Variants in GBP4 observed in about 807,000 individuals in gnomAD.
GBP4 encodes guanylate-binding protein 4.
GBP4 carries 69 observed loss-of-function variants against 62.2 expected under a neutral mutation model. The ratio of observed to expected loss-of-function variants is 1.11; its 90% CI spans 0.91 to 1.36. The LOEUF (loss-of-function observed/expected upper bound fraction) is 1.36, where lower values mean the gene tolerates loss of function less well. Ranked by LOEUF, GBP4 falls within the 40% of genes most tolerant of loss-of-function variation. GBP4 has a pLI of 0.00. For missense variants in GBP4, 697 were observed against 759.3 expected (o/e 0.92, Z 0.96); for synonymous variants, 278 against 274.6 (o/e 1.01, Z -0.12).
chr1:89,195,395 C>T lies in GBP4; in HGVS notation c.265G>A (p.Glu89Lys), dbSNP rs1341141890. The change falls in exon 3 of 11, where the codon GAA (glutamate) becomes AAA (lysine). Residue 89 changes from glutamate (E) to lysine (K), a missense_variant. By Grantham distance (56) the Glu-to-Lys change is moderately conservative. Around this residue, in one of 2 missense-constraint regions of GBP4, gnomAD observed 556 missense variants for 562.7 expected, o/e 0.99. Coordinates refer to ENST00000355754, the MANE Select transcript of GBP4 (RefSeq NM_052941.5). ...CACCACATCCAGATGCCCTTAGTTT[C>T]AGACTGCACCGTGGAGCCCAGAGGG... ...GFPLGSTVQSETKGIWMWCVP... is the reference protein window; with the variant it reads ...GFPLGSTVQSKTKGIWMWCVP... The T allele has an allele frequency of 3.1e-6, 5 of 1,613,860 alleles. No individual in the cohort carries two copies. The highest frequency in any genetic ancestry group is 1.3e-5 in the African/African-American group (1 of 74,910).
chr1:89,191,546 C>A (rs577077937), intron 5 of GBP4, 40 bp from the exon 6 acceptor site: 1 of 1,594,842 alleles, frequency 6.3e-7, no homozygotes, highest in East Asian at 2.2e-5. Context: ...GAAGAGACAG[C>A]CTGCAGGCAA....
At chr1:89,190,627 GA>G (rs1372057463) in intron 6 of GBP4, among the ~76,000 whole-genome samples, 2 of 151,904 alleles carry the variant, frequency 1.3e-5, no homozygotes, top group Admixed American at 1.3e-4. Context: ...CCATATAAAT[GA>G]GTTTGTTAGC....
chr1:89,192,373 T>C (rs1034710816), intron 5 of GBP4, among the ~76,000 whole-genome samples: 3 of 151,264 alleles, frequency 2.0e-5, no homozygotes, highest in Admixed American at 6.6e-5. Context: ...TGGAAGCATA[T>C]GTGTTTTTTT....
chr1:89,194,750 ATGTT>A (rs780918734), intron 3 of GBP4, among the ~76,000 whole-genome samples: 60 of 152,232 alleles, frequency 3.9e-4, no homozygotes, highest in Non-Finnish European at 7.3e-4. Flanking sequence ...TTGAACCAAA[ATGTT>A]AGTGATAAAA....
chr1:89,194,121 TGGAAAG>T (rs959315750), intron 3 of GBP4, among the ~76,000 whole-genome samples: 10 of 152,190 alleles, frequency 6.6e-5, no homozygotes, highest in African/African-American at 2.2e-4. Context: ...ATAAAGCAGG[TGGAAAG>T]ATCAATAGAA....
In GBP4 at chr1:89,191,490, A is replaced by G; in HGVS notation, c.687T>C (p.Ile229=). Residue 229 remains isoleucine (I), a synonymous_variant, in exon 6 of 11, where the codon ATT becomes ATC. Coordinates refer to ENST00000355754, the MANE Select transcript of GBP4 (RefSeq NM_052941.5). ...LKLIPGKNPK[I]QNSNMPRECI... is the part of the protein sequence containing the mutation. ...ACTCTCTAGGCATGTTTGAATTTTGAATTTTGGGATTCTTGCCTGTGGAAT... is the reference window on the plus strand; with the variant it reads ...ACTCTCTAGGCATGTTTGAATTTTGGATTTTGGGATTCTTGCCTGTGGAAT... 1 of 1,612,878 alleles carries G rather than the reference A, an allele frequency of 6.2e-7. No homozygotes were observed. The highest frequency in any genetic ancestry group is 1.1e-5 in the South Asian group (1 of 91,016).
In GBP4 at chr1:89,191,253, A is replaced by G. The variant is rs1648173300; in HGVS notation, c.916+8T>C. 1.9e-6 allele frequency: 3 copies of G among 1,608,988 alleles called. No individual in the cohort carries two copies. In the African/African-American group the frequency reaches 4.0e-5, roughly 22 times the overall value. On this transcript the variant is annotated splice_region_variant and intron_variant, in intron 6 of 10. Transcript: ENST00000355754. ...GACAGACATGCTTTGGGACAAAAAA[A>G]GACTCACGCTTTCCAGTGACAATGA...
chr1:89,189,433 T>C (rs2100675196), intron 7 of GBP4, among the ~76,000 whole-genome samples: 1 of 152,322 alleles, frequency 6.6e-6, no homozygotes, highest in South Asian at 2.1e-4. Flanking sequence ...TCCCATAAGG[T>C]TTCTCACTCC....
Position 89,190,105 on chromosome 1 carries a change from T to C in GBP4, c.1130A>G (p.Glu377Gly), listed in dbSNP as rs767327035. Residue 377 changes from glutamate (E) to glycine (G), a missense_variant, in exon 7 of 11, where the codon GAA (glutamate) becomes GGA (glycine). By Grantham distance (98) the Glu-to-Gly change is moderately conservative. Coordinates refer to ENST00000355754, the MANE Select transcript of GBP4 (RefSeq NM_052941.5). ...LLDVHAACEREAIAVFMEHSF... is the reference protein window; with the variant it reads ...LLDVHAACERGAIAVFMEHSF... ...GTGCTCCATGAAGACTGCAATGGCT[T>C]CCCTCTCACAGGCTGCATGCACGTC... 3.1e-6 allele frequency: 5 copies of C among 1,614,022 alleles called. No individual in the cohort carries two copies.
intron 5 of GBP4, among the ~76,000 whole-genome samples, chr1:89,192,209 A>G (rs1376421465): frequency 6.6e-6 from 1 of 152,220 alleles, no homozygotes; most frequent in Non-Finnish European, 1.5e-5. Flanking sequence ...ATGAACAAAG[A>G]TGGATATTGA....
chr1:89,186,603 C>G, intron 9 of GBP4, 77 bp from the exon 10 acceptor site: 2 of 1,322,644 alleles, frequency 1.5e-6, no homozygotes, highest in Non-Finnish European at 2.1e-6. Flanking sequence ...TCAGATCAAA[C>G]TGACTCGGAG....
Position 89,197,135 on chromosome 1 carries a change from C to A in GBP4, c.210G>T (p.Met70Ile), listed in dbSNP as rs375982468. The change falls in exon 2 of 11, where the codon ATG (methionine) becomes ATT (isoleucine). Residue 70 changes from methionine (M) to isoleucine (I), a missense_variant. Met to Ile is a conservative substitution (Grantham distance 10). Around this residue, in one of 2 missense-constraint regions of GBP4, gnomAD observed 556 missense variants for 562.7 expected, o/e 0.99. Transcript: ENST00000355754. Reference protein sequence around the residue: ...GLYRTGKSYLMNRLAGKRNGF... With the variant: ...GLYRTGKSYLINRLAGKRNGF... ...CATTGCGCTTTCCTGCAAGACGATT[C>A]ATGAGATAGGATTTTCCTGTGCGGT... is the stretch of plus-strand genomic sequence containing the variant. 5 of 1,613,372 alleles carry A rather than the reference C, an allele frequency of 3.1e-6. No individual in the cohort carries two copies. In the African/African-American group the frequency reaches 6.7e-5, roughly 22 times the overall value.
chr1:89,198,611 C>G, intron 1 of GBP4, 184 bp downstream of exon 1: 1 of 624,062 alleles, frequency 1.6e-6, no homozygotes, highest in East Asian at 2.8e-5. Flanking sequence ...CGCTGGGCCA[C>G]ACGGAGCAAA....
At chr1:89,186,577 T>TTCTAACCTCCTGAGC in intron 9 of GBP4, 51 bp from the exon 10 acceptor site, 2 of 1,528,640 alleles carry the variant, frequency 1.3e-6, no homozygotes, top group Non-Finnish European at 1.8e-6. Flanking sequence ...TATTCCTGAG[T>TTCTAACCTCCTGAGC]TCTACCCTCC....
chr1:89,186,102 G>A (rs939579079), intron 10 of GBP4, among the ~76,000 whole-genome samples: 1 of 152,172 alleles, frequency 6.6e-6, no homozygotes, highest in African/African-American at 2.4e-5. Context: ...CAGCAGCCTG[G>A]GACCCTGGGA....
intron 2 of GBP4, among the ~76,000 whole-genome samples, chr1:89,195,769 A>G (rs137941222): frequency 1.4e-3 from 216 of 152,284 alleles, no homozygotes; most frequent in African/African-American, 5.0e-3. Context: ...AAAAGTCAGT[A>G]AGAACCAAAA....
chr1:89,186,258 A>C, intron 10 of GBP4, 75 bp downstream of exon 10: 3 of 1,173,096 alleles, frequency 2.6e-6, no homozygotes, highest in African/African-American at 1.5e-5. Flanking sequence ...GACTGTGCCT[A>C]AAATTTTGGT....
chr1:89,197,737 T>C (rs977501707), intron 1 of GBP4, among the ~76,000 whole-genome samples: 12 of 152,160 alleles, frequency 7.9e-5, no homozygotes, highest in Admixed American at 3.9e-4. Context: ...CCAGAAGAAT[T>C]TGCTCTCTCA....
chr1:89,185,591 C>T (rs1251222420), intron 10 of GBP4, 122 bp from the exon 11 acceptor site: 1 of 617,662 alleles, frequency 1.6e-6, no homozygotes, highest in East Asian at 2.7e-5. Context: ...TTAGAAAACG[C>T]TTTGATGAAT....
Sources: allele counts gnomAD v4.1 joint callset (sites outside exome capture counted in the v4.1 genomes callset), GRCh38; gene constraint gnomAD v4.1.1; regional missense constraint gnomAD v4.1.1; transcripts MANE v1.5; gene names NCBI Gene and HGNC (gene_info 2026-07-23, HGNC 2026-07-21).